The following ADAMTS14 variants were observed in gnomAD, a reference collection of about 807,000 sequenced individuals.
The protein encoded by ADAMTS14 is A disintegrin and metalloproteinase with thrombospondin motifs 14.
ADAMTS14 carries 100 observed loss-of-function variants against 128.6 expected under a neutral mutation model. The observed-to-expected ratio is 0.78, with a 90% CI of 0.66 to 0.92. The LOEUF is 0.92. Ranked by LOEUF, ADAMTS14 falls within the 40% of genes least tolerant of loss-of-function variation. The pLI is 0.00. For synonymous variants in ADAMTS14, 665 were observed against 653.8 expected, an observed-to-expected ratio of 1.02 and a Z score of -0.26; for missense variants, 1,562 against 1,658.6, an observed-to-expected ratio of 0.94 and a Z score of 1.01.
chr10:70,753,763 C>T (rs757791773), intron 18 of ADAMTS14, 37 bp from the exon 19 acceptor site: 5 of 1,512,902 alleles, frequency 3.3e-6, no homozygotes, highest in Non-Finnish European at 4.5e-6. Context: ...GAAGTGCCCC[C>T]TTGGTCTCAC....
chr10:70,758,609 T>C lies in ADAMTS14; in HGVS notation c.3178+324T>C, dbSNP rs181607313. ...TTACAAGGTGATATCTCAGGCTCCATTGAGGATGTTCTATAATATAAACAC... is the reference window on the plus strand; with the variant it reads ...TTACAAGGTGATATCTCAGGCTCCACTGAGGATGTTCTATAATATAAACAC... On this transcript the variant is annotated intron_variant, in intron 21 of 21. Transcript: ENST00000373207. 5.7e-3 allele frequency among the ~76,000 whole-genome samples: 863 copies of C among 152,376 alleles called. 17 individuals carry two copies. Among genetic ancestry groups the C allele is most frequent in the Middle Eastern group, 6.8e-3 (2 of 294 alleles).
At chr10:70,726,476 C>T (rs925613491) in intron 4 of ADAMTS14, among the ~76,000 whole-genome samples, 5 of 152,360 alleles carry the variant, frequency 3.3e-5, no homozygotes, top group Admixed American at 3.3e-4. Flanking sequence ...CCTTTCTTCT[C>T]CTGCCCCCGG....
chr10:70,718,391 AG>A (rs1841124737), intron 4 of ADAMTS14, among the ~76,000 whole-genome samples: 1 of 151,854 alleles, frequency 6.6e-6, no homozygotes, highest in Non-Finnish European at 1.5e-5. Context: ...TTTATTTAAA[AG>A]TTATTTTATT....
At chr10:70,728,689 T>C (rs4747091) in intron 4 of ADAMTS14, among the ~76,000 whole-genome samples, 139,374 of 152,366 alleles carry the variant, frequency 0.91, 63,874 homozygotes, top group East Asian at 1. Context: ...CAAACTTGCC[T>C]ATGCCTGCCA....
At chr10:70,701,750 G>A (rs570692168) in intron 2 of ADAMTS14, among the ~76,000 whole-genome samples, 1 of 152,134 alleles carries the variant, frequency 6.6e-6, no homozygotes, top group Non-Finnish European at 1.5e-5. Context: ...AGCATTAGCT[G>A]CCCTCCTCCC....
At chr10:70,750,746 G>T (rs1050076328) in intron 16 of ADAMTS14, among the ~76,000 whole-genome samples, 2 of 152,168 alleles carry the variant, frequency 1.3e-5, no homozygotes. Context: ...CATTCAATGG[G>T]GAAAGAATAG....
At position 70,672,705 on chromosome 10, in the gene ADAMTS14, C is replaced by G; in HGVS notation, c.-98C>G. The G allele has an allele frequency of 7.6e-7, 1 of 1,321,412 alleles. No homozygotes were observed. Among genetic ancestry groups the G allele is most frequent in the South Asian group, 2.0e-5 (1 of 50,032 alleles). The allele number at this position is 1,321,412 out of a possible 1,614,324, so 81.9% of individuals were successfully genotyped here. ...TGAGGCGGCAGCGGCGGCAGCCAGCCGGTGCTCCGACAGCCCGGGGCGCAC... is the reference window on the plus strand; with the variant it reads ...TGAGGCGGCAGCGGCGGCAGCCAGCGGGTGCTCCGACAGCCCGGGGCGCAC... On this transcript the variant is annotated 5_prime_UTR_variant, in exon 1 of 22. Coordinates refer to ENST00000373207, the MANE Select transcript of ADAMTS14 (RefSeq NM_080722.4).
intron 7 of ADAMTS14, among the ~76,000 whole-genome samples, chr10:70,733,065 G>A (rs904184202): frequency 6.6e-6 from 1 of 152,188 alleles, no homozygotes; most frequent in Admixed American, 6.5e-5. Context: ...AGAACCAAGA[G>A]ACACCATCAG....
At chr10:70,731,570 A>T (rs912967377) in intron 6 of ADAMTS14, among the ~76,000 whole-genome samples, 2 of 151,966 alleles carry the variant, frequency 1.3e-5, no homozygotes, top group African/African-American at 4.8e-5. Flanking sequence ...CACTGCCATG[A>T]TTCCTGTGTG....
chr10:70,757,723 A>G (rs940551082), intron 19 of ADAMTS14, among the ~76,000 whole-genome samples: 7 of 152,236 alleles, frequency 4.6e-5, no homozygotes, highest in African/African-American at 1.7e-4. Flanking sequence ...TTCTAGGCTC[A>G]GGGCAATGGC....
intron 15 of ADAMTS14, among the ~76,000 whole-genome samples, 190 bp from the exon 16 acceptor site, chr10:70,749,632 T>C (rs201470816): frequency 1.6e-5 from 2 of 121,764 alleles, no homozygotes; most frequent in African/African-American, 2.7e-5. Context: ...TGTGTGTGTG[T>C]GTGTGCGCGC....
At chr10:70,676,064 T>C (rs376365583) in intron 2 of ADAMTS14, among the ~76,000 whole-genome samples, 1 of 152,224 alleles carries the variant, frequency 6.6e-6, no homozygotes, top group Non-Finnish European at 1.5e-5. Context: ...TTTCCACCTT[T>C]TATCATGATG....
chr10:70,714,599 G>T (rs1450330190), intron 4 of ADAMTS14, among the ~76,000 whole-genome samples: 1 of 152,146 alleles, frequency 6.6e-6, no homozygotes, highest in African/African-American at 2.4e-5. Context: ...GAGTTGATTT[G>T]CCAGTTCCTT....
intron 8 of ADAMTS14, 105 bp downstream of exon 8, chr10:70,734,133 ACT>A: frequency 6.9e-7 from 1 of 1,447,606 alleles, no homozygotes; most frequent in Non-Finnish European, 9.3e-7. Flanking sequence ...CCCTGGCTTG[ACT>A]CTTCCGTGAC....
At chr10:70,745,140 G>A in intron 14 of ADAMTS14, 86 bp from the exon 15 acceptor site, 2 of 1,231,958 alleles carry the variant, frequency 1.6e-6, no homozygotes, top group Non-Finnish European at 2.3e-6. Context: ...GATGTTCCTG[G>A]GTGCCCAGTG....
At chr10:70,716,246 TGCTGGGTTG>T (rs1841037298) in intron 4 of ADAMTS14, among the ~76,000 whole-genome samples, 1 of 152,196 alleles carries the variant, frequency 6.6e-6, no homozygotes. Context: ...TTCTGCTCAC[TGCTGGGTTG>T]CCCTGTGAAT....
At chr10:70,746,157 C>T (rs1266224964) in intron 15 of ADAMTS14, among the ~76,000 whole-genome samples, 1 of 152,164 alleles carries the variant, frequency 6.6e-6, no homozygotes, top group Non-Finnish European at 1.5e-5. Context: ...ACATTATTCT[C>T]ATTATAATCA....
chr10:70,686,493 G>A (rs1311355419), intron 2 of ADAMTS14, among the ~76,000 whole-genome samples: 1 of 79,562 alleles, frequency 1.3e-5, no homozygotes. Flanking sequence ...GACTCTTAAC[G>A]AGCATGCTGC....
intron 12 of ADAMTS14, among the ~76,000 whole-genome samples, chr10:70,742,694 G>A (rs1223611267): frequency 6.6e-6 from 1 of 152,228 alleles, no homozygotes; most frequent in East Asian, 1.9e-4. Flanking sequence ...GCTGGACTTT[G>A]GGTTTTTCCC....
Sources: allele counts gnomAD v4.1 joint callset (sites outside exome capture counted in the v4.1 genomes callset), GRCh38; gene constraint gnomAD v4.1.1; transcripts MANE v1.5; gene names NCBI Gene and HGNC (gene_info 2026-07-23, HGNC 2026-07-21).